Variants in GRPR observed in about 807,000 individuals in gnomAD.
The protein encoded by GRPR is gastrin-releasing peptide receptor.
GRPR carries 4 observed loss-of-function variants against 15.6 expected under a neutral mutation model. That is an observed-to-expected ratio of 0.26 (90% CI 0.13 to 0.59). GRPR has a LOEUF of 0.59. Among genes scored for constraint, GRPR ranks in the 20% least tolerant of loss-of-function variants. The pLI, the probability that GRPR is intolerant of heterozygous loss-of-function variation, is 0.90. For missense variants in GRPR, 270 were observed against 304.1 expected (o/e 0.89, Z 0.83); for synonymous variants, 128 against 126.8 (o/e 1.01, Z -0.06).
chrX:16,139,489 C>T (rs1196297006), intron 1 of GRPR, among the ~76,000 whole-genome samples: 1 of 109,523 alleles, frequency 9.1e-6, no homozygotes, highest in African/African-American at 3.3e-5. Context: ...TGTCAGCTAT[C>T]GTTAGTGTAT....
chrX:16,125,401 C>T (rs774791704), intron 1 of GRPR, among the ~76,000 whole-genome samples: 1 of 112,174 alleles, frequency 8.9e-6, no homozygotes, highest in South Asian at 3.7e-4. Flanking sequence ...TGCAATGAAC[C>T]TAGACTATAA....
intron 1 of GRPR, among the ~76,000 whole-genome samples, chrX:16,128,237 G>A (rs376649516): frequency 3.6e-5 from 4 of 112,279 alleles, no homozygotes; most frequent in East Asian, 2.8e-4. Context: ...TGTATTGGCC[G>A]GGCGCAGTGG....
At chrX:16,141,278 G>A (rs370901990) in intron 1 of GRPR, among the ~76,000 whole-genome samples, 3 of 111,795 alleles carry the variant, frequency 2.7e-5, no homozygotes, top group East Asian at 5.6e-4. Flanking sequence ...CTCATTTTTG[G>A]CCCAAGGGTC....
chrX:16,139,370 G>A (rs924103599), intron 1 of GRPR, among the ~76,000 whole-genome samples: 5 of 111,370 alleles, frequency 4.5e-5, no homozygotes, highest in African/African-American at 9.8e-5. Context: ...TTTCCAACCC[G>A]CAGCCTGCGG....
intron 2 of GRPR, among the ~76,000 whole-genome samples, chrX:16,151,142 CTG>C (rs1488491429): frequency 8.9e-6 from 1 of 111,859 alleles, no homozygotes; most frequent in African/African-American, 3.2e-5. Flanking sequence ...TTCAGCCTCT[CTG>C]AGCCTCAGTT....
intron 1 of GRPR, 119 bp downstream of exon 1, chrX:16,124,485 C>T: frequency 1.5e-6 from 1 of 664,447 alleles, no homozygotes; most frequent in South Asian, 2.3e-5. Context: ...ACACGGATTC[C>T]CTTCCAGGCA....
In GRPR at chrX:16,152,802, T is replaced by C. The variant is rs1003859120; in HGVS notation, c.*157T>C. On this transcript the variant is annotated 3_prime_UTR_variant, in exon 3 of 3. Transcript: ENST00000380289. ...GGAGGCCCAAATGATGGATCACCAT[T>C]ATATTTTGAAAGAAGCCATCAAGTC... 5 of 492,454 alleles carry C rather than the reference T, an allele frequency of 1.0e-5. No homozygotes were observed. The highest frequency in any genetic ancestry group is 1.4e-5 in the Non-Finnish European group (4 of 281,228). The allele number at this position is 492,454 out of a possible 1,213,427, so 40.6% of individuals were successfully genotyped here.
At chrX:16,150,032 AAG>A (rs1316574463) in intron 1 of GRPR, among the ~76,000 whole-genome samples, 2 of 111,263 alleles carry the variant, frequency 1.8e-5, no homozygotes, top group African/African-American at 6.5e-5. Context: ...TTAAGACAAA[AAG>A]AGAATATAAG....
At chrX:16,130,043 T>A (rs777299413) in intron 1 of GRPR, among the ~76,000 whole-genome samples, 1 of 112,247 alleles carries the variant, frequency 8.9e-6, no homozygotes, top group Admixed American at 9.4e-5. Context: ...GTTCAAGTCC[T>A]TTCTCTTCTA....
intron 1 of GRPR, among the ~76,000 whole-genome samples, chrX:16,126,136 AG>A (rs1922287354): frequency 1.8e-5 from 2 of 111,813 alleles, no homozygotes; most frequent in African/African-American, 6.5e-5. Context: ...TTCAAAAGCC[AG>A]GTTGCACTCC....
At chrX:16,139,876 C>T (rs1158881064) in intron 1 of GRPR, among the ~76,000 whole-genome samples, 1 of 112,326 alleles carries the variant, frequency 8.9e-6, no homozygotes, top group Non-Finnish European at 1.9e-5. Context: ...TATGTAGGGG[C>T]AGAGGGAAAG....
chrX:16,145,543 A>G (rs188396320), intron 1 of GRPR, among the ~76,000 whole-genome samples: 1 of 112,261 alleles, frequency 8.9e-6, no homozygotes, highest in African/African-American at 3.2e-5. Context: ...AATGGGTACA[A>G]AAACTAATTA....
chrX:16,141,944 G>A (rs1328443697), intron 1 of GRPR, among the ~76,000 whole-genome samples: 1 of 111,882 alleles, frequency 8.9e-6, no homozygotes, highest in Non-Finnish European at 1.9e-5. Flanking sequence ...GGAAGGCATC[G>A]CCAAGTGATG....
chrX:16,133,325 C>G (rs1051803283), intron 1 of GRPR, among the ~76,000 whole-genome samples: 3 of 111,591 alleles, frequency 2.7e-5, no homozygotes, highest in Non-Finnish European at 5.7e-5. Flanking sequence ...TTAAAATTCC[C>G]TCTTGCCTTT....
rs964466479 is a variant in GRPR, at chrX:16,153,357, G to A, written c.*712G>A. 1.8e-5 allele frequency: 2 copies of A among 111,673 alleles called. No individual in the cohort carries two copies. The highest frequency in any genetic ancestry group is 3.8e-5 in the Non-Finnish European group (2 of 53,209). The allele number at this position is 111,673 out of a possible 1,213,427, so 9.2% of individuals were successfully genotyped here. A position where few individuals can be genotyped will look rare whatever the true frequency, so the allele number is the denominator to read the frequency against. On this transcript the variant is annotated 3_prime_UTR_variant, in exon 3 of 3. Coordinates refer to ENST00000380289, the MANE Select transcript of GRPR (RefSeq NM_005314.3). ...TTGACACGTATATAAAGATCCACGC[G>A]TGGCTGTGCGTGATATCTCACACTC... is the stretch of plus-strand genomic sequence containing the variant.
chrX:16,152,142 A>C, intron 2 of GRPR, 114 bp from the exon 3 acceptor site: 1 of 653,822 alleles, frequency 1.5e-6, no homozygotes, highest in Non-Finnish European at 2.5e-6. Flanking sequence ...GAACTCCTCT[A>C]TTGCCCTAAT....
At chrX:16,138,270 A>G (rs1369689482) in intron 1 of GRPR, among the ~76,000 whole-genome samples, 2 of 112,148 alleles carry the variant, frequency 1.8e-5, no homozygotes, top group Non-Finnish European at 3.8e-5. Context: ...GGTGCCCAGA[A>G]GCATGAGCAG....
chrX:16,135,166 G>C (rs1922429611), intron 1 of GRPR, among the ~76,000 whole-genome samples: 1 of 111,458 alleles, frequency 9.0e-6, no homozygotes, highest in African/African-American at 3.3e-5. Flanking sequence ...CTGCCGCAGG[G>C]GACACTGCCA....
intron 1 of GRPR, among the ~76,000 whole-genome samples, chrX:16,135,893 C>A (rs1922441043): frequency 8.9e-6 from 1 of 111,812 alleles, no homozygotes; most frequent in South Asian, 3.7e-4. Context: ...CATAGAAAAA[C>A]AGAAAAATCA....
Sources: gnomAD v4.1 joint callset for allele counts (sites outside exome capture counted in the v4.1 genomes callset) on GRCh38, gnomAD v4.1.1 for gene constraint, MANE v1.5 for transcripts, NCBI Gene and HGNC (gene_info 2026-07-23, HGNC 2026-07-21) for gene names.